Variants in LHFPL2 observed in about 807,000 individuals in gnomAD.
LHFPL2 encodes the protein LHFPL tetraspan subfamily member 2 protein.
LHFPL2 carries 7 observed loss-of-function variants against 17.5 expected under a neutral mutation model. The ratio of observed to expected loss-of-function variants is 0.40; its 90% confidence interval spans 0.23 to 0.75. The LOEUF is 0.75. LHFPL2 is among the 30% of genes least tolerant of loss of function. The pLI is 0.37. For missense variants in LHFPL2, 241 were observed against 294.8 expected (o/e 0.82, Z 1.34); for synonymous variants, 134 against 116.2 (o/e 1.15, Z -0.99).
intron 3 of LHFPL2, among the ~76,000 whole-genome samples, chr5:78,547,852 G>A (rs1756327883): frequency 2.6e-5 from 4 of 152,238 alleles, no homozygotes; most frequent in Admixed American, 2.6e-4. Flanking sequence ...TGTTCAGGGT[G>A]GTCTGAGGGA....
intron 3 of LHFPL2, among the ~76,000 whole-genome samples, chr5:78,516,349 A>T (rs1755290791): frequency 6.6e-6 from 1 of 151,782 alleles, no homozygotes; most frequent in African/African-American, 2.4e-5. Context: ...TTCTGGGAAA[A>T]CTCTGAAGCT....
At position 78,592,621 on chromosome 5, in the gene LHFPL2, TAC is replaced by T. The variant is rs3068900; in HGVS notation, c.-244-27752_-244-27751del. On this transcript the variant is annotated intron_variant, in intron 2 of 4. Coordinates refer to ENST00000380345, the MANE Select transcript of LHFPL2 (RefSeq NM_005779.3). Reference sequence around the variant, plus strand: ...TCTTCAACTTAGTGAAAAATTCAGATACACACACACACACACACATTACTCTT... The same window carrying T: ...TCTTCAACTTAGTGAAAAATTCAGATACACACACACACACACATTACTCTT... 6.0e-4 allele frequency among the ~76,000 whole-genome samples: 78 copies of T among 129,546 alleles called. 1 individual carries two copies. The highest frequency in any genetic ancestry group is 1.5e-3 in the South Asian group (6 of 3,942). The allele number at this position is 129,546 out of a possible 152,430, so 85.0% of individuals were successfully genotyped here.
intron 3 of LHFPL2, among the ~76,000 whole-genome samples, chr5:78,542,279 T>G (rs1265082965): frequency 6.6e-6 from 1 of 152,192 alleles, no homozygotes; most frequent in Non-Finnish European, 1.5e-5. Context: ...AGTTTCTGAA[T>G]GGGAAATGCT....
chr5:78,585,001 T>TGGAAAAGCGCAGTA (rs1561352378), intron 2 of LHFPL2, among the ~76,000 whole-genome samples: 1 of 48,894 alleles, frequency 2.0e-5, no homozygotes, highest in African/African-American at 6.2e-5. Context: ...CTGTGTTTTT[T>TGGAAAAGCGCAGTA]TTTTTTTTTT....
In LHFPL2 at chr5:78,646,792, G is replaced by A. The variant is rs1410041766; in HGVS notation, c.-350+1707C>T. Among the ~76,000 whole-genome samples the A allele has an allele frequency of 2.0e-5, 3 of 152,066 alleles. No homozygotes were observed. In the East Asian group the frequency reaches 5.8e-4, roughly 29 times the overall value. Reference sequence around the variant, plus strand: ...ACAGCATACATTACTTCTTCCAGAAGGCACTGCTTTGTTCTCATCTACAAA... The same window carrying A: ...ACAGCATACATTACTTCTTCCAGAAAGCACTGCTTTGTTCTCATCTACAAA... On this transcript the variant is annotated intron_variant, in intron 1 of 4. Transcript: ENST00000380345.
chr5:78,520,893 A>T (rs1755438617), intron 3 of LHFPL2, among the ~76,000 whole-genome samples: 1 of 152,216 alleles, frequency 6.6e-6, no homozygotes, highest in Non-Finnish European at 1.5e-5. Context: ...AGTTCTGAAA[A>T]ATCACTGACC....
chr5:78,493,939 G>C (rs928152287), intron 4 of LHFPL2, among the ~76,000 whole-genome samples: 16 of 152,192 alleles, frequency 1.1e-4, no homozygotes, highest in African/African-American at 3.9e-4. Context: ...GGGACTATCA[G>C]CTTGGTCATA....
At chr5:78,572,423 T>C (rs931357875) in intron 2 of LHFPL2, among the ~76,000 whole-genome samples, 103 of 151,132 alleles carry the variant, frequency 6.8e-4, no homozygotes, top group African/African-American at 2.2e-3. Flanking sequence ...TTTATATACA[T>C]ATATATATAT....
rs76389957 is a variant in LHFPL2, at chr5:78,593,470, C to T, written c.-244-28599G>A. The stretch of plus-strand genomic sequence containing the variant: ...TCCCTTCACACTCCAAAAACAGTAT[C>T]ATTTTCATGACAAAAAGCTCTTTTA... On this transcript the variant is annotated intron_variant, in intron 2 of 4. Transcript: ENST00000380345. Among the ~76,000 whole-genome samples, 1,413 of 152,226 alleles carry T rather than the reference C, an allele frequency of 9.3e-3. 26 individuals are homozygous for T. Among genetic ancestry groups the T allele is most frequent in the African/African-American group, 0.032 (1,326 of 41,526 alleles).
At chr5:78,550,562 A>T (rs374300670) in intron 3 of LHFPL2, among the ~76,000 whole-genome samples, 6 of 126,336 alleles carry the variant, frequency 4.7e-5, no homozygotes, top group African/African-American at 1.3e-4. Context: ...TGTTTTATTT[A>T]TTTTTATTTA....
chr5:78,579,032 G>A (rs996050033), intron 2 of LHFPL2, among the ~76,000 whole-genome samples: 1 of 152,136 alleles, frequency 6.6e-6, no homozygotes. Flanking sequence ...GGTACATTCC[G>A]TCTAACAGGG....
chr5:78,563,567 A>G (rs1320250849), intron 3 of LHFPL2, among the ~76,000 whole-genome samples: 1 of 151,860 alleles, frequency 6.6e-6, no homozygotes, highest in African/African-American at 2.4e-5. Context: ...GTAGTTGTGC[A>G]TGTCTGTAGT....
chr5:78,582,536 G>A lies in LHFPL2; in HGVS notation c.-244-17665C>T, dbSNP rs555054537. Among the ~76,000 whole-genome samples the A allele has an allele frequency of 2.0e-3, 302 of 151,248 alleles. 1 individual carries two copies. The East Asian group carries it at 0.025, about 13-fold the overall frequency. On this transcript the variant is annotated intron_variant, in intron 2 of 4. Transcript: ENST00000380345. ...ACATCTTTATTTGTGCCTTCATTTC[G>A]TTATGTACCCAGTAGTCATTCAGGA...
At chr5:78,495,463 T>C (rs981142174) in intron 4 of LHFPL2, among the ~76,000 whole-genome samples, 3 of 152,198 alleles carry the variant, frequency 2.0e-5, no homozygotes, top group Non-Finnish European at 2.9e-5. Flanking sequence ...AGTAACTGTC[T>C]GAAGAAGTGA....
At chr5:78,631,935 C>CAAAAAAA (rs35424661) in intron 2 of LHFPL2, among the ~76,000 whole-genome samples, 2 of 104,552 alleles carry the variant, frequency 1.9e-5, no homozygotes, top group Non-Finnish European at 2.0e-5. Flanking sequence ...GACTCCATCT[C>CAAAAAAA]AAAAAAAAAA....
At chr5:78,597,608 CA>C (rs1743871703) in intron 2 of LHFPL2, among the ~76,000 whole-genome samples, 1 of 152,110 alleles carries the variant, frequency 6.6e-6, no homozygotes, top group Non-Finnish European at 1.5e-5. Flanking sequence ...CTCTAAGACC[CA>C]ATTCTTCAAT....
chr5:78,575,956 T>G (rs1297336126), intron 2 of LHFPL2, among the ~76,000 whole-genome samples: 1 of 152,216 alleles, frequency 6.6e-6, no homozygotes, highest in Non-Finnish European at 1.5e-5. Context: ...CGCAGTGGCC[T>G]GGTGCAATCT....
chr5:78,613,351 AAGG>A (rs1033495425), intron 2 of LHFPL2, among the ~76,000 whole-genome samples: 1 of 152,178 alleles, frequency 6.6e-6, no homozygotes. Context: ...GTGACCAGGC[AAGG>A]AGATCGTCCC....
At chr5:78,537,923 G>A (rs187155452) in intron 3 of LHFPL2, among the ~76,000 whole-genome samples, 5 of 152,294 alleles carry the variant, frequency 3.3e-5, no homozygotes, top group East Asian at 1.9e-4. Flanking sequence ...GGCCATAAAC[G>A]CATGATTTAC....
Sources: allele counts gnomAD v4.1 joint callset (sites outside exome capture counted in the v4.1 genomes callset), GRCh38; gene constraint gnomAD v4.1.1; transcripts MANE v1.5; gene names NCBI Gene and HGNC (gene_info 2026-07-23, HGNC 2026-07-21).